The following PCDHGB2 variants were observed in gnomAD, a reference collection of about 807,000 sequenced individuals.
The protein encoded by PCDHGB2 is protocadherin gamma-B2.
In PCDHGB2, 55 loss-of-function variants were observed where a neutral mutation model predicts 59.3. That is an observed-to-expected ratio of 0.93 (90% CI 0.75 to 1.16). PCDHGB2 has a LOEUF of 1.16. Among genes scored for constraint, PCDHGB2 ranks in the 50% most tolerant of loss-of-function variants. PCDHGB2 has a pLI of 0.00. For synonymous variants in PCDHGB2, 516 were observed against 512.0 expected, an observed-to-expected ratio of 1.01 and a Z score of -0.11; for missense variants, 1,228 against 1,198.5, an observed-to-expected ratio of 1.02 and a Z score of -0.36.
rs930695301 is a variant in PCDHGB2, at chr5:141,472,874, T to C, written c.2422-21933T>C. On this transcript the variant is annotated intron_variant, in intron 1 of 3. Coordinates refer to ENST00000522605, the MANE Select transcript of PCDHGB2 (RefSeq NM_018923.3). ...GGTGGCACATGCCTGTATTCCCAGC[T>C]ACTCGGGAGGCTGAGGCAGGAGAAT... Among the ~76,000 whole-genome samples, 5 of 150,448 alleles carry C rather than the reference T, an allele frequency of 3.3e-5. No homozygotes were observed. In the Admixed American group the frequency reaches 3.3e-4, roughly 10 times the overall value.
rs376067853 is a variant in PCDHGB2, at chr5:141,408,397, G to C, written c.2421+45841G>C. 261 of 1,614,068 alleles carry C rather than the reference G, an allele frequency of 1.6e-4. 1 individual carries two copies. In the East Asian group the frequency reaches 5.2e-3, roughly 32 times the overall value. On this transcript the variant is annotated intron_variant, in intron 1 of 3. Coordinates refer to ENST00000522605, the MANE Select transcript of PCDHGB2 (RefSeq NM_018923.3). The stretch of plus-strand genomic sequence containing the variant: ...GTGTCCTGGATGTGTCGGCTCGCAA[G>C]CTGCGAGTGAGCGCGGAGAAGCTGC...
intron 1 of PCDHGB2, chr5:141,405,178 T>C (rs769150671): frequency 3.1e-6 from 5 of 1,613,890 alleles, no homozygotes; most frequent in African/African-American, 2.7e-5. Flanking sequence ...ACTTTGTGGG[T>C]GTAGATGGGG....
In PCDHGB2 at chr5:141,489,514, C is replaced by T. The variant is rs141377711; in HGVS notation, c.2422-5293C>T. 63 of 1,613,926 alleles carry T rather than the reference C, an allele frequency of 3.9e-5. No homozygotes were observed. The highest frequency in any genetic ancestry group is 6.7e-5 in the Admixed American group (4 of 60,004). ...CCTGGCAGTGAATCAAAAGATTGAC[C>T]GAGAAAGCCTATGTGGAGCCAGCAC... On this transcript the variant is annotated intron_variant, in intron 1 of 3. Coordinates refer to ENST00000522605, the MANE Select transcript of PCDHGB2 (RefSeq NM_018923.3). This position sits in a 1 kb window ranked among gnomAD's most constrained non-coding sequence, Gnocchi z 4.5.
intron 1 of PCDHGB2, among the ~76,000 whole-genome samples, chr5:141,472,590 C>G (rs1161871973): frequency 6.6e-6 from 1 of 151,908 alleles, no homozygotes; most frequent in African/African-American, 2.4e-5. Flanking sequence ...GTCAGAAGCT[C>G]TCTTGAAATT....
rs2099702455 is a variant in PCDHGB2, at chr5:141,490,641, G to C, written c.2422-4166G>C. 6.2e-7 allele frequency: 1 copy of C among 1,614,042 alleles called. No homozygotes were observed. Among genetic ancestry groups the C allele is most frequent in the Admixed American group, 1.7e-5 (1 of 60,004 alleles). On this transcript the variant is annotated intron_variant, in intron 1 of 3. Coordinates refer to ENST00000522605, the MANE Select transcript of PCDHGB2 (RefSeq NM_018923.3). The surrounding 1 kb of genome is among the most constrained non-coding windows in gnomAD (Gnocchi z 5.4). ...ACACTGCTTACATCCTAGAAAACCG[G>C]CCTCCGGGCTCCCTTCTTTGCACTG...
At chr5:141,500,473 T>C (rs911171031) in intron 2 of PCDHGB2, among the ~76,000 whole-genome samples, 10 of 152,132 alleles carry the variant, frequency 6.6e-5, no homozygotes, top group Admixed American at 4.6e-4. Flanking sequence ...CCTCCCAAAG[T>C]GCTGGGATTA....
intron 1 of PCDHGB2, among the ~76,000 whole-genome samples, chr5:141,435,286 A>G (rs1179151461): frequency 6.6e-6 from 1 of 152,194 alleles, no homozygotes; most frequent in Non-Finnish European, 1.5e-5. Context: ...CAGTATCCCA[A>G]GTCATTTCAT....
At chr5:141,478,412 TC>T in intron 1 of PCDHGB2, 2 of 1,611,958 alleles carry the variant, frequency 1.2e-6, no homozygotes, top group Non-Finnish European at 1.7e-6. Flanking sequence ...CACCACGGAC[TC>T]CCGCCGCAGC....
At chr5:141,451,049 C>T (rs538627151) in intron 1 of PCDHGB2, among the ~76,000 whole-genome samples, 1 of 151,422 alleles carries the variant, frequency 6.6e-6, no homozygotes, top group African/African-American at 2.4e-5. Context: ...AGGCTGGTCT[C>T]GAACTCCTGA....
At position 141,485,240 on chromosome 5, in the gene PCDHGB2, C is replaced by G; in HGVS notation, c.2422-9567C>G. On this transcript the variant is annotated intron_variant, in intron 1 of 3. Coordinates refer to ENST00000522605, the MANE Select transcript of PCDHGB2 (RefSeq NM_018923.3). This position sits in a 1 kb window ranked among gnomAD's most constrained non-coding sequence, Gnocchi z 5.7. The stretch of plus-strand genomic sequence containing the variant: ...GGCTACCCTTTTGTTCCTCTTTTAC[C>G]ACCTGGGTTACGTTTGTGGGCAGAT... The G allele has an allele frequency of 6.2e-7, 1 of 1,614,174 alleles. No individual in the cohort carries two copies. The highest frequency in any genetic ancestry group is 8.5e-7 in the Non-Finnish European group (1 of 1,180,024).
intron 1 of PCDHGB2, chr5:141,414,562 A>G (rs770740530): frequency 3.1e-6 from 5 of 1,613,924 alleles, no homozygotes; most frequent in Non-Finnish European, 4.2e-6. Context: ...CTCCTACTTT[A>G]CCTATATCCC....
chr5:141,399,198 G>T (rs1370289172), intron 1 of PCDHGB2: 1 of 1,613,816 alleles, frequency 6.2e-7, no homozygotes, highest in African/African-American at 1.3e-5. Context: ...AAAACGCGGT[G>T]CCTGGAACAC....
intron 1 of PCDHGB2, chr5:141,377,698 A>G (rs1274163537): frequency 6.6e-6 from 1 of 152,230 alleles, no homozygotes; most frequent in Non-Finnish European, 1.5e-5. Context: ...TTTACTACTT[A>G]GGAATCAAAA....
chr5:141,473,029 G>A (rs62379204), intron 1 of PCDHGB2, among the ~76,000 whole-genome samples: 15,982 of 147,800 alleles, frequency 0.11, 873 homozygotes, highest in South Asian at 0.15. Flanking sequence ...AAGGAAGGAA[G>A]GAAGGAAAGA....
At chr5:141,445,269 C>A (rs535300313) in intron 1 of PCDHGB2, among the ~76,000 whole-genome samples, 1 of 152,260 alleles carries the variant, frequency 6.6e-6, no homozygotes, top group Non-Finnish European at 1.5e-5. Flanking sequence ...AAGTCGAAAC[C>A]ACTCTGCATA....
rs748972821 is a variant in PCDHGB2 at position 141,476,094 on chromosome 5, GAGAGGAACT to G, written c.2422-18712_2422-18704del. ...TCTCAGGGACGATCTGGACCCCGCT[GAGAGGAACT>G]GCTTTTGAGTGAGATGGTCCCAGAG... is the stretch of plus-strand genomic sequence containing the variant. On this transcript the variant is annotated intron_variant, in intron 1 of 3. Coordinates refer to ENST00000522605, the MANE Select transcript of PCDHGB2 (RefSeq NM_018923.3). This position sits in a 1 kb window ranked among gnomAD's most constrained non-coding sequence, Gnocchi z 7.6. 6.4e-7 allele frequency: 1 copy of G among 1,568,172 alleles called. No individual in the cohort carries two copies. The highest frequency in any genetic ancestry group is 1.2e-5 in the South Asian group (1 of 85,292).
intron 1 of PCDHGB2, among the ~76,000 whole-genome samples, chr5:141,436,515 G>A (rs1393437693): frequency 6.6e-6 from 1 of 152,160 alleles, no homozygotes; most frequent in Non-Finnish European, 1.5e-5. Context: ...ATTGTTAACT[G>A]TGTCACCTTT....
At chr5:141,395,633 G>T (rs1448678453) in intron 1 of PCDHGB2, 1 of 179,296 alleles carries the variant, frequency 5.6e-6, no homozygotes, top group African/African-American at 2.4e-5. Context: ...GAAGTCTAAA[G>T]CCTTGTTATT....
intron 1 of PCDHGB2, chr5:141,400,558 C>T: frequency 1.2e-6 from 2 of 1,613,290 alleles, no homozygotes; most frequent in Non-Finnish European, 1.7e-6. Flanking sequence ...TTTTTCATTA[C>T]CCACCCAATT....
Sources: allele counts gnomAD v4.1 joint callset (sites outside exome capture counted in the v4.1 genomes callset), GRCh38; gene constraint gnomAD v4.1.1; non-coding constraint Gnocchi (gnomAD v3.1); transcripts MANE v1.5; gene names NCBI Gene and HGNC (gene_info 2026-07-23, HGNC 2026-07-21).